Variants in ATP11B observed in about 807,000 individuals in gnomAD.
The protein encoded by ATP11B is phospholipid-transporting ATPase IF.
A neutral mutation model predicts 157.8 loss-of-function variants in ATP11B; 81 were observed. The ratio of observed to expected loss-of-function variants is 0.51; its 90% confidence interval spans 0.43 to 0.62. The LOEUF (loss-of-function observed/expected upper bound fraction) is 0.62, where lower values mean the gene tolerates loss of function less well. Among genes scored for constraint, ATP11B ranks in the 20% least tolerant of loss-of-function variants. The pLI is 0.00. For missense variants in ATP11B, 1,165 were observed against 1,402.2 expected (o/e 0.83, Z 2.70); for synonymous variants, 451 against 469.4 (o/e 0.96, Z 0.51).
chr3:182,876,647 T>C (rs1235079108), intron 19 of ATP11B, among the ~76,000 whole-genome samples: 1 of 152,204 alleles, frequency 6.6e-6, no homozygotes, highest in Non-Finnish European at 1.5e-5. Context: ...TGCTGCATCC[T>C]TCTGAAGGGA....
intron 28 of ATP11B, 39 bp from the exon 29 acceptor site, chr3:182,913,822 T>C (rs775642026): frequency 6.2e-7 from 1 of 1,613,826 alleles, no homozygotes; most frequent in Non-Finnish European, 8.5e-7. Context: ...GAAGTCCATA[T>C]CTTTAAACAA....
chr3:182,848,569 G>T lies in ATP11B; in HGVS notation c.851+12G>T. ...TCTGCAGTAGAAAAGTAAGAAAACT[G>T]TTTTCATTTATTTATATGTAATTAT... On this transcript the variant is annotated intron_variant, in intron 10 of 29. Coordinates refer to ENST00000323116, the MANE Select transcript of ATP11B (RefSeq NM_014616.3). 1 of 1,479,672 alleles carries T rather than the reference G, an allele frequency of 6.8e-7. No homozygotes were observed. The highest frequency in any genetic ancestry group is 9.1e-7 in the Non-Finnish European group (1 of 1,099,498). The allele number at this position is 1,479,672 out of a possible 1,614,324, so 91.7% of individuals were successfully genotyped here.
chr3:182,918,156 G>A lies in ATP11B; in HGVS notation c.*52G>A. On this transcript the variant is annotated 3_prime_UTR_variant, in exon 30 of 30. Transcript: ENST00000323116. ...AGTTCACCTCCTTTCCTAAAATTCA[G>A]TGTGATCACCCTGTTAATGGCCACA... The A allele has an allele frequency of 8.7e-6, 14 of 1,608,782 alleles. No individual in the cohort carries two copies. Among genetic ancestry groups the A allele is most frequent in the Non-Finnish European group, 1.1e-5 (13 of 1,177,294 alleles).
At chr3:182,805,129 G>A (rs1716248603) in intron 1 of ATP11B, among the ~76,000 whole-genome samples, 1 of 152,076 alleles carries the variant, frequency 6.6e-6, no homozygotes, top group Non-Finnish European at 1.5e-5. Context: ...TTTCATTTGG[G>A]CTTATACCTA....
At chr3:182,808,020 A>G (rs1038692093) in intron 1 of ATP11B, among the ~76,000 whole-genome samples, 7 of 152,328 alleles carry the variant, frequency 4.6e-5, no homozygotes, top group African/African-American at 1.7e-4. Context: ...ACACATAGGT[A>G]TTGTAAGATT....
At chr3:182,815,387 T>G (rs1435447196) in intron 1 of ATP11B, among the ~76,000 whole-genome samples, 1 of 152,186 alleles carries the variant, frequency 6.6e-6, no homozygotes, top group African/African-American at 2.4e-5. Context: ...ATAGGTATAA[T>G]TTATTGAAAG....
intron 11 of ATP11B, among the ~76,000 whole-genome samples, 165 bp from the exon 12 acceptor site, chr3:182,858,997 T>C (rs1376826211): frequency 6.6e-6 from 1 of 152,146 alleles, no homozygotes; most frequent in Non-Finnish European, 1.5e-5. Context: ...AATGTAATGT[T>C]AAAAAGACAA....
At chr3:182,906,884 C>T (rs138780101) in intron 28 of ATP11B, among the ~76,000 whole-genome samples, 5 of 151,564 alleles carry the variant, frequency 3.3e-5, no homozygotes, top group South Asian at 4.2e-4. Context: ...GTCAGGAGAC[C>T]GAGACCATCC....
intron 28 of ATP11B, chr3:182,902,523 C>T: frequency 7.8e-7 from 1 of 1,289,576 alleles, no homozygotes. Context: ...GTTCATCGCA[C>T]TGCAGCCATT....
rs1560126731 is a variant in ATP11B at position 182,902,562 on chromosome 3, C to CT, written c.3318+3792dup. On this transcript the variant is annotated intron_variant, in intron 28 of 29. Coordinates refer to ENST00000323116, the MANE Select transcript of ATP11B (RefSeq NM_014616.3). ...GAGGGCAAGGAATCAGCTGAGCAAA[C>CT]TTAGGTAGAGTAGGAGGAGTAGAGC... is the stretch of plus-strand genomic sequence containing the variant. The CT allele has an allele frequency of 1.1e-5, 14 of 1,289,134 alleles. 1 individual carries two copies. The highest frequency in any genetic ancestry group is 2.1e-4 in the Middle Eastern group (1 of 4,690). The allele number at this position is 1,289,134 out of a possible 1,614,324, so 79.9% of individuals were successfully genotyped here.
In ATP11B at chr3:182,793,516, G is replaced by A. The variant is rs1715373491; in HGVS notation, c.-244G>A. ...GGTGACAACGGTCAATAATGAAGGT[G>A]GCTGCGGCGCGGCGGCAGGCTCAGC... On this transcript the variant is annotated 5_prime_UTR_variant, in exon 1 of 30. Coordinates refer to ENST00000323116, the MANE Select transcript of ATP11B (RefSeq NM_014616.3). 2.9e-6 allele frequency: 1 copy of A among 347,382 alleles called. No individual in the cohort carries two copies. The highest frequency in any genetic ancestry group is 4.4e-5 in the East Asian group (1 of 22,790). The allele number at this position is 347,382 out of a possible 1,614,324, so 21.5% of individuals were successfully genotyped here. A position where few individuals can be genotyped will look rare whatever the true frequency, so the allele number is the denominator to read the frequency against.
At chr3:182,824,078 A>G (rs373239195) in intron 2 of ATP11B, among the ~76,000 whole-genome samples, 1 of 152,044 alleles carries the variant, frequency 6.6e-6, no homozygotes, top group African/African-American at 2.4e-5. Flanking sequence ...CATATAATAC[A>G]ACACAAGTCT....
At chr3:182,813,207 C>A (rs1716774515) in intron 1 of ATP11B, among the ~76,000 whole-genome samples, 1 of 152,138 alleles carries the variant, frequency 6.6e-6, no homozygotes, top group African/African-American at 2.4e-5. Flanking sequence ...CGAGCTCCTT[C>A]TTTCACTTCT....
At chr3:182,819,229 C>T (rs1289901535) in intron 1 of ATP11B, among the ~76,000 whole-genome samples, 1 of 151,678 alleles carries the variant, frequency 6.6e-6, no homozygotes, top group African/African-American at 2.4e-5. Flanking sequence ...CCACCACGCC[C>T]GGCTAATTTT....
At chr3:182,843,285 T>C (rs1360257582) in intron 8 of ATP11B, among the ~76,000 whole-genome samples, 4 of 152,218 alleles carry the variant, frequency 2.6e-5, no homozygotes, top group African/African-American at 7.2e-5. Flanking sequence ...TGAAATGATA[T>C]CAGAATAATT....
At chr3:182,868,936 T>G (rs954854516) in intron 15 of ATP11B, 142 bp from the exon 16 acceptor site, 1 of 570,408 alleles carries the variant, frequency 1.8e-6, no homozygotes, top group African/African-American at 1.9e-5. Context: ...ATTAATGGCA[T>G]GTAACCTATC....
chr3:182,907,649 T>C (rs973960956), intron 28 of ATP11B, among the ~76,000 whole-genome samples: 4 of 152,226 alleles, frequency 2.6e-5, no homozygotes, highest in African/African-American at 9.6e-5. Flanking sequence ...TAGGCTCTGA[T>C]TGAGCGCCAA....
intron 12 of ATP11B, among the ~76,000 whole-genome samples, chr3:182,861,351 C>A (rs1033538556): frequency 5.9e-5 from 9 of 152,176 alleles, no homozygotes; most frequent in African/African-American, 1.7e-4. Context: ...AGGTGTGAGC[C>A]ACTGTGCCCA....
chr3:182,879,817 G>A (rs1052756685), intron 20 of ATP11B, among the ~76,000 whole-genome samples, 168 bp downstream of exon 20: 11 of 152,138 alleles, frequency 7.2e-5, no homozygotes. Flanking sequence ...TCAGACTTTT[G>A]GAATTCTCAG....
Sources: gnomAD v4.1 joint callset for allele counts (sites outside exome capture counted in the v4.1 genomes callset) on GRCh38, gnomAD v4.1.1 for gene constraint, MANE v1.5 for transcripts, NCBI Gene and HGNC (gene_info 2026-07-23, HGNC 2026-07-21) for gene names.